The following NCAM2 variants were observed in gnomAD, a reference collection of about 807,000 sequenced individuals.
NCAM2 encodes N-CAM-2.
Under a neutral mutation model 98.1 loss-of-function variants are expected in NCAM2, and 30 were observed. The ratio of observed to expected loss-of-function variants is 0.31; its 90% CI spans 0.23 to 0.41. The LOEUF (loss-of-function observed/expected upper bound fraction) is 0.41. NCAM2 is among the 10% of genes least tolerant of loss of function. The pLI, the probability that NCAM2 is intolerant of heterozygous loss-of-function variation, is 1.00. For synonymous variants in NCAM2, 368 were observed against 342.4 expected, an observed-to-expected ratio of 1.07 and a Z score of -0.83; for missense variants, 867 against 1,005.8, an observed-to-expected ratio of 0.86 and a Z score of 1.87.
chr21:21,419,160 G>A (rs2145960490), intron 11 of NCAM2, among the ~76,000 whole-genome samples: 2 of 152,074 alleles, frequency 1.3e-5, no homozygotes, highest in East Asian at 3.9e-4. Flanking sequence ...TTTTTATAAA[G>A]AATGAATCAC....
intron 1 of NCAM2, among the ~76,000 whole-genome samples, chr21:21,199,707 G>GGA (rs1404113389): frequency 5.9e-5 from 9 of 152,120 alleles, no homozygotes; most frequent in Non-Finnish European, 1.0e-4. Flanking sequence ...CATTACCACT[G>GGA]CATAGATTAT....
At chr21:21,326,829 C>T (rs1011921931) in intron 6 of NCAM2, among the ~76,000 whole-genome samples, 1 of 150,002 alleles carries the variant, frequency 6.7e-6, no homozygotes, top group Non-Finnish European at 1.5e-5. Flanking sequence ...GTAACGTTAA[C>T]GAAGGTAAAA....
chr21:21,364,605 T>C (rs2075737633), intron 8 of NCAM2, among the ~76,000 whole-genome samples: 1 of 151,960 alleles, frequency 6.6e-6, no homozygotes, highest in African/African-American at 2.4e-5. Flanking sequence ...TATATACATA[T>C]ATACACATGT....
intron 11 of NCAM2, among the ~76,000 whole-genome samples, chr21:21,422,093 G>A (rs1488250745): frequency 6.6e-6 from 1 of 152,058 alleles, no homozygotes; most frequent in Non-Finnish European, 1.5e-5. Context: ...TGTTGCAGGG[G>A]TCCAGTGTTG....
At chr21:21,364,202 A>C (rs991905116) in intron 8 of NCAM2, among the ~76,000 whole-genome samples, 3 of 151,962 alleles carry the variant, frequency 2.0e-5, no homozygotes, top group African/African-American at 7.2e-5. Context: ...TAATTTTTTT[A>C]GTATTTTGAT....
chr21:21,124,607 T>C (rs2066748659), intron 1 of NCAM2, among the ~76,000 whole-genome samples: 1 of 152,210 alleles, frequency 6.6e-6, no homozygotes, highest in Non-Finnish European at 1.5e-5. Context: ...AAACTCATTG[T>C]GTTCAGTTTC....
At chr21:21,214,447 C>G (rs1456082978) in intron 1 of NCAM2, among the ~76,000 whole-genome samples, 1 of 151,814 alleles carries the variant, frequency 6.6e-6, no homozygotes, top group East Asian at 1.9e-4. Context: ...GGATAATTGG[C>G]CAATTAACTG....
chr21:21,306,483 A>T (rs1425969862), intron 5 of NCAM2, among the ~76,000 whole-genome samples: 2 of 152,180 alleles, frequency 1.3e-5, no homozygotes, highest in Admixed American at 1.3e-4. Context: ...TTAGCAATAT[A>T]GCTACCCCAG....
chr21:21,489,390 G>C (rs956917394), intron 15 of NCAM2, among the ~76,000 whole-genome samples: 1 of 150,782 alleles, frequency 6.6e-6, no homozygotes, highest in African/African-American at 2.4e-5. Flanking sequence ...CTCTATTTCT[G>C]TCTCTTCCTC....
intron 1 of NCAM2, among the ~76,000 whole-genome samples, chr21:21,041,770 G>A (rs923028316): frequency 6.6e-6 from 1 of 152,190 alleles, no homozygotes; most frequent in Non-Finnish European, 1.5e-5. Flanking sequence ...AGAGAAAAGT[G>A]TATGTGTGTG....
intron 16 of NCAM2, among the ~76,000 whole-genome samples, chr21:21,530,158 A>T (rs1175029971): frequency 1.5e-5 from 2 of 137,586 alleles, no homozygotes; most frequent in South Asian, 4.3e-4. Context: ...ATTATATATG[A>T]TTTAATTTAA....
At chr21:21,125,967 A>G (rs1431854247) in intron 1 of NCAM2, among the ~76,000 whole-genome samples, 3 of 151,678 alleles carry the variant, frequency 2.0e-5, no homozygotes, top group Non-Finnish European at 4.4e-5. Context: ...ATTATCTGCA[A>G]AACTGTTGCT....
At chr21:21,258,679 A>G (rs2071768873) in intron 1 of NCAM2, among the ~76,000 whole-genome samples, 1 of 152,058 alleles carries the variant, frequency 6.6e-6, no homozygotes, top group African/African-American at 2.4e-5. Flanking sequence ...ACATGAACTG[A>G]GGTGGCAGGC....
At chr21:21,174,146 C>T (rs1463845983) in intron 1 of NCAM2, among the ~76,000 whole-genome samples, 2 of 152,070 alleles carry the variant, frequency 1.3e-5, no homozygotes, top group Non-Finnish European at 2.9e-5. Flanking sequence ...TCTCGAACTA[C>T]TAACCTCAGA....
At chr21:21,075,479 T>G (rs1163650520) in intron 1 of NCAM2, among the ~76,000 whole-genome samples, 1 of 152,204 alleles carries the variant, frequency 6.6e-6, no homozygotes, top group Non-Finnish European at 1.5e-5. Context: ...TAAATTTTTC[T>G]TGGCTTTAGT....
chr21:21,477,585 G>C (rs575001731), intron 15 of NCAM2, 114 bp downstream of exon 15: 4 of 878,776 alleles, frequency 4.6e-6, no homozygotes, highest in Middle Eastern at 3.3e-4. Flanking sequence ...GTAAATTCCA[G>C]GTTCTAATTA....
At chr21:21,301,774 A>G (rs1474644425) in intron 5 of NCAM2, among the ~76,000 whole-genome samples, 3 of 151,742 alleles carry the variant, frequency 2.0e-5, no homozygotes, top group Non-Finnish European at 4.4e-5. Flanking sequence ...AGAAAAAAAC[A>G]AACAACCCCA....
At chr21:21,157,073 A>G (rs923487703) in intron 1 of NCAM2, among the ~76,000 whole-genome samples, 2 of 152,072 alleles carry the variant, frequency 1.3e-5, no homozygotes, top group South Asian at 2.1e-4. Flanking sequence ...CTTTTTTCTA[A>G]TAGACTGTGT....
chr21:21,389,271 A>T (rs2076331945), intron 9 of NCAM2, among the ~76,000 whole-genome samples: 1 of 152,182 alleles, frequency 6.6e-6, no homozygotes, highest in Non-Finnish European at 1.5e-5. Context: ...CCCTTTAAAA[A>T]AGCATCAGAT....
Sources: gnomAD v4.1 joint callset for allele counts (sites outside exome capture counted in the v4.1 genomes callset) on GRCh38, gnomAD v4.1.1 for gene constraint, MANE v1.5 for transcripts, NCBI Gene and HGNC (gene_info 2026-07-23, HGNC 2026-07-21) for gene names.